The following ANGPTL5 variants were observed in gnomAD, a reference collection of about 807,000 sequenced individuals.
ANGPTL5 encodes angiopoietin like 5.
Under a neutral mutation model 39.4 loss-of-function variants are expected in ANGPTL5, and 34 were observed. The ratio of observed to expected loss-of-function variants is 0.86; its 90% CI spans 0.66 to 1.15. The LOEUF is 1.15. ANGPTL5 is among the 50% of genes most tolerant of loss of function. ANGPTL5 has a pLI of 0.00. For synonymous variants in ANGPTL5, 146 were observed against 152.1 expected, an observed-to-expected ratio of 0.96 and a Z score of 0.29; for missense variants, 467 against 457.5, an observed-to-expected ratio of 1.02 and a Z score of -0.19.
intron 7 of ANGPTL5, among the ~76,000 whole-genome samples, chr11:101,897,628 C>G (rs906915674): frequency 6.6e-6 from 1 of 152,064 alleles, no homozygotes; most frequent in African/African-American, 2.4e-5. Flanking sequence ...TTCCCCATTG[C>G]TTTTTTTGTC....
chr11:101,896,513 C>A (rs1182059954), intron 7 of ANGPTL5, among the ~76,000 whole-genome samples: 1 of 152,100 alleles, frequency 6.6e-6, no homozygotes, highest in Non-Finnish European at 1.5e-5. Flanking sequence ...CTCTAGCCCC[C>A]ACCCCCTGAC....
chr11:101,891,719 T>G lies in ANGPTL5; in HGVS notation c.848-121A>C, dbSNP rs929812775. On this transcript the variant is annotated intron_variant, in intron 8 of 8. Transcript: ENST00000334289. ...AATAGGGTTTAAATTATTTTCCTAC[T>G]GTTTATCATGTTAAAATTCTCCTAC... The G allele has an allele frequency of 1.4e-5, 14 of 1,011,050 alleles. No homozygotes were observed. The African/African-American group carries it at 2.3e-4, about 16-fold the overall frequency. 62.6% of individuals were successfully genotyped at this position (1,011,050 alleles called of 1,614,324 possible). A position where few individuals can be genotyped will look rare whatever the true frequency, so the allele number is the denominator to read the frequency against.
At chr11:101,905,901 T>A in intron 3 of ANGPTL5, 54 bp from the exon 4 acceptor site, 2 of 1,038,822 alleles carry the variant, frequency 1.9e-6, no homozygotes, top group Non-Finnish European at 3.0e-6. Flanking sequence ...AGAAAACAAT[T>A]ACAGTGAAAA....
In ANGPTL5 at chr11:101,894,881, G is replaced by A. The variant is rs755034899; in HGVS notation, c.845C>T (p.Ala282Val). ...KMHLGRYSGN[A>V]GDAFRGLKKE... ...TTTAGGAATAAAAAAAATCTTACCA[G>A]CATTTCCTGAATACCGTCCTAAGTG... The change falls in exon 8 of 9, where the codon GCT (alanine) becomes GTT (valine). Residue 282 changes from alanine to valine, a missense_variant and splice_region_variant. Coordinates refer to ENST00000334289, the MANE Select transcript of ANGPTL5 (RefSeq NM_178127.5). 1.9e-6 allele frequency: 3 copies of A among 1,611,246 alleles called. No homozygotes were observed. Among genetic ancestry groups the A allele is most frequent in the Non-Finnish European group, 2.5e-6 (3 of 1,177,790 alleles).
intron 7 of ANGPTL5, among the ~76,000 whole-genome samples, chr11:101,899,947 A>T (rs887986020): frequency 1.3e-5 from 2 of 152,188 alleles, no homozygotes; most frequent in East Asian, 3.8e-4. Flanking sequence ...TGAGGTTATA[A>T]TTTTCAAATT....
intron 1 of ANGPTL5, chr11:101,915,549 C>CA: frequency 8.6e-7 from 1 of 1,168,158 alleles, no homozygotes; most frequent in Non-Finnish European, 1.2e-6. Flanking sequence ...TTTCCTTTAG[C>CA]AACTGTCGTG....
intron 8 of ANGPTL5, 62 bp downstream of exon 8, chr11:101,894,817 A>G: frequency 7.1e-7 from 1 of 1,406,532 alleles, no homozygotes; most frequent in East Asian, 2.3e-5. Flanking sequence ...TTTTATCTTC[A>G]CTTAATAATG....
chr11:101,899,129 G>A (rs1442807763), intron 7 of ANGPTL5, among the ~76,000 whole-genome samples: 2 of 152,184 alleles, frequency 1.3e-5, no homozygotes, highest in Non-Finnish European at 2.9e-5. Context: ...TCTCTGCCAG[G>A]TTTTGGTATC....
At position 101,907,152 on chromosome 11, in the gene ANGPTL5, T is replaced by G. The variant is rs1178110788; in HGVS notation, c.192A>C (p.Ser64=). The part of the protein sequence containing the change: ...DTVCKEDCEE[S]CDVKTKITRE... ...GTGTAATTTTAGTTTTAACATCACA[T>G]GATTCCTCACAGTCTTCCTTACAAA... Residue 64 remains serine (S), a synonymous_variant, in exon 3 of 9, where the codon TCA becomes TCC. Coordinates refer to ENST00000334289, the MANE Select transcript of ANGPTL5 (RefSeq NM_178127.5). The G allele has an allele frequency of 6.3e-7, 1 of 1,594,304 alleles. No individual in the cohort carries two copies.
intron 6 of ANGPTL5, 116 bp downstream of exon 6, chr11:101,902,505 A>C: frequency 4.3e-6 from 4 of 920,002 alleles, no homozygotes; most frequent in Non-Finnish European, 6.6e-6. Context: ...AATTTATTTA[A>C]AATTTTTTGA....
intron 7 of ANGPTL5, among the ~76,000 whole-genome samples, chr11:101,895,503 A>G (rs1939775812): frequency 6.6e-6 from 1 of 152,220 alleles, no homozygotes; most frequent in Non-Finnish European, 1.5e-5. Context: ...TTAACCTCCA[A>G]ATCAGCGGTT....
chr11:101,893,343 T>A (rs1336742120), intron 8 of ANGPTL5, among the ~76,000 whole-genome samples: 1 of 152,204 alleles, frequency 6.6e-6, no homozygotes, highest in African/African-American at 2.4e-5. Context: ...AATTCATATC[T>A]CTGTTTTTGC....
intron 5 of ANGPTL5, among the ~76,000 whole-genome samples, chr11:101,903,770 C>T (rs1939950095): frequency 6.6e-6 from 1 of 152,160 alleles, no homozygotes; most frequent in Non-Finnish European, 1.5e-5. Context: ...ATGTCATTAC[C>T]TTTCAAATTA....
rs1305140668 is a variant in ANGPTL5 at position 101,915,387 on chromosome 11, G to C, written c.-93+632C>G. The stretch of plus-strand genomic sequence containing the variant: ...CCCCCTCGGCCCTCGGGAGAGCGGC[G>C]GGCATCACCGACCTGGCTCTTACCT... On this transcript the variant is annotated intron_variant, in intron 1 of 8. Transcript: ENST00000334289. 7.4e-6 allele frequency: 12 copies of C among 1,613,494 alleles called. No individual in the cohort carries two copies. In the Admixed American group the frequency reaches 1.8e-4, roughly 25 times the overall value.
In ANGPTL5 at chr11:101,903,161, T is replaced by C. The variant is rs2137058986; in HGVS notation, c.440-440A>G. 2.0e-5 allele frequency among the ~76,000 whole-genome samples: 3 copies of C among 152,264 alleles called. No homozygotes were observed. The South Asian group carries it at 6.2e-4, about 32-fold the overall frequency. ...ACTACAGACACATATTTCACTATTC[T>C]ATTCCCAACTTCAGAGACTGATGTG... On this transcript the variant is annotated intron_variant, in intron 5 of 8. Coordinates refer to ENST00000334289, the MANE Select transcript of ANGPTL5 (RefSeq NM_178127.5).
Position 101,891,608 on chromosome 11 carries a change from A to T in ANGPTL5, c.848-10T>A, listed in dbSNP as rs1346572200. The T allele has an allele frequency of 6.2e-7, 1 of 1,613,244 alleles. No homozygotes were observed. The highest frequency in any genetic ancestry group is 8.5e-7 in the Non-Finnish European group (1 of 1,179,548). On this transcript the variant is annotated splice_polypyrimidine_tract_variant and intron_variant, in intron 8 of 8. Transcript: ENST00000334289. Reference sequence around the variant, plus strand: ...CCCCGGAATGCATCACCTGGGAAAAAAATTTTTAATGATCGAATTTAAAGG... The same window carrying T: ...CCCCGGAATGCATCACCTGGGAAAATAATTTTTAATGATCGAATTTAAAGG...
At chr11:101,913,797 C>A (rs552312198) in intron 1 of ANGPTL5, among the ~76,000 whole-genome samples, 42 of 152,322 alleles carry the variant, frequency 2.8e-4, no homozygotes, top group African/African-American at 9.9e-4. Context: ...TTACTCAGAT[C>A]ACCCATGGGG....
chr11:101,899,104 T>A (rs1012750853), intron 7 of ANGPTL5, among the ~76,000 whole-genome samples: 3 of 152,248 alleles, frequency 2.0e-5, no homozygotes, highest in Admixed American at 1.3e-4. Flanking sequence ...CCTGAAATTT[T>A]CTTTTTTTGT....
At chr11:101,904,478 C>A (rs1321442091) in intron 5 of ANGPTL5, among the ~76,000 whole-genome samples, 1 of 152,092 alleles carries the variant, frequency 6.6e-6, no homozygotes, top group Non-Finnish European at 1.5e-5. Context: ...GTGGGAGGAA[C>A]TTTGAAACTT....
Sources: gnomAD v4.1 joint callset for allele counts (sites outside exome capture counted in the v4.1 genomes callset) on GRCh38, gnomAD v4.1.1 for gene constraint, MANE v1.5 for transcripts, NCBI Gene and HGNC (gene_info 2026-07-23, HGNC 2026-07-21) for gene names.